Variants in MAPK10 observed in about 807,000 individuals in gnomAD.
The protein encoded by MAPK10 is mitogen-activated protein kinase 10, also known as JNK3 alpha protein kinase.
MAPK10 carries 25 observed loss-of-function variants against 59.3 expected under a neutral mutation model. The observed-to-expected ratio is 0.42, with a 90% CI of 0.31 to 0.59. The LOEUF (loss-of-function observed/expected upper bound fraction) is 0.59, where lower values mean the gene tolerates loss of function less well. MAPK10 is among the 20% of genes least tolerant of loss of function. The pLI is 0.15. For synonymous variants in MAPK10, 190 were observed against 200.5 expected, an observed-to-expected ratio of 0.95 and a Z score of 0.44; for missense variants, 351 against 568.9, an observed-to-expected ratio of 0.62 and a Z score of 3.90.
intron 9 of MAPK10, among the ~76,000 whole-genome samples, chr4:86,070,857 T>C (rs1364112520): frequency 3.3e-5 from 5 of 152,166 alleles, no homozygotes; most frequent in Non-Finnish European, 7.3e-5. Context: ...AAAATACGTG[T>C]GCATGTGTCT....
At chr4:86,515,687 GTTT>G (rs971594849) in intron 1 of MAPK10, among the ~76,000 whole-genome samples, 1 of 151,358 alleles carries the variant, frequency 6.6e-6, no homozygotes, top group African/African-American at 2.4e-5. Context: ...GGGATTATTT[GTTT>G]TTTTTCTTGC....
intron 1 of MAPK10, among the ~76,000 whole-genome samples, chr4:86,412,956 CTGCAA>C (rs1326357808): frequency 6.6e-6 from 1 of 152,164 alleles, no homozygotes; most frequent in Non-Finnish European, 1.5e-5. Context: ...TGGCAAGGAG[CTGCAA>C]TCCTTTGGAG....
intron 3 of MAPK10, among the ~76,000 whole-genome samples, chr4:86,168,760 T>A (rs2149252452): frequency 6.6e-6 from 1 of 152,268 alleles, no homozygotes; most frequent in Non-Finnish European, 1.5e-5. Context: ...GACTGCCTCC[T>A]CAAGTGGGTC....
chr4:86,204,782 T>G (rs147084171), intron 2 of MAPK10, among the ~76,000 whole-genome samples: 2 of 152,158 alleles, frequency 1.3e-5, no homozygotes, highest in African/African-American at 4.8e-5. Flanking sequence ...TTCTTTTTAC[T>G]AAACAGTAGA....
intron 1 of MAPK10, among the ~76,000 whole-genome samples, chr4:86,540,357 G>A (rs940323935): frequency 2.6e-5 from 4 of 151,938 alleles, no homozygotes; most frequent in East Asian, 1.9e-4. Context: ...CAAATTAGCC[G>A]GGTATGGTGT....
Position 86,037,749 on chromosome 4 carries a change from G to A in MAPK10, c.1111-6318C>T, listed in dbSNP as rs561882360. 2.0e-4 allele frequency among the ~76,000 whole-genome samples: 30 copies of A among 152,258 alleles called. No homozygotes were observed. The East Asian group carries it at 5.8e-3, about 29-fold the overall frequency. ...TATTCAATTTTCAAATGAGAATATA[G>A]AAACTGAGAAAGCATAAGTGATTTG... On this transcript the variant is annotated intron_variant, in intron 11 of 13. Transcript: ENST00000641462.
chr4:86,194,209 C>T lies in MAPK10; in HGVS notation c.66+127G>A, dbSNP rs531999937. On this transcript the variant is annotated intron_variant, in intron 3 of 13. Transcript: ENST00000641462. ...TTCTATTCAGCCGTCTTGCCAGCTCCTAATTCTAAACTACTGTTAATATGA... is the reference window on the plus strand; with the variant it reads ...TTCTATTCAGCCGTCTTGCCAGCTCTTAATTCTAAACTACTGTTAATATGA... 3 of 747,268 alleles carry T rather than the reference C, an allele frequency of 4.0e-6. No individual in the cohort carries two copies. In the South Asian group the frequency reaches 5.1e-5, roughly 13 times the overall value. The allele number at this position is 747,268 out of a possible 1,614,324, so 46.3% of individuals were successfully genotyped here.
intron 2 of MAPK10, among the ~76,000 whole-genome samples, chr4:86,218,246 T>C (rs111416744): frequency 6.6e-6 from 1 of 152,032 alleles, no homozygotes; most frequent in African/African-American, 2.4e-5. Flanking sequence ...CGCTGTCACC[T>C]AGGCTGGAGT....
chr4:86,024,988 C>T (rs3775167), intron 13 of MAPK10: 35,081 of 152,166 alleles, frequency 0.23, 4,241 homozygotes, highest in South Asian at 0.26. Flanking sequence ...TTCAGTGCTT[C>T]CTTTGTAAAA....
rs1743272325 is a variant in MAPK10 at position 86,016,266 on chromosome 4, C to G, written c.*962G>C. The G allele has an allele frequency of 6.6e-6, 1 of 152,184 alleles. No individual in the cohort carries two copies. The allele number at this position is 152,184 out of a possible 1,614,324, so 9.4% of individuals were successfully genotyped here. A position where few individuals can be genotyped will look rare whatever the true frequency, so the allele number is the denominator to read the frequency against. On this transcript the variant is annotated 3_prime_UTR_variant, in exon 14 of 14. Coordinates refer to ENST00000641462, the MANE Select transcript of MAPK10 (RefSeq NM_138982.4). ...AGCCAAATCTCTAAAACAGGGACAC[C>G]AGTGTCTCCTAGTATCTGGGTAATA...
chr4:86,205,416 A>T (rs1246393899), intron 2 of MAPK10, among the ~76,000 whole-genome samples: 3 of 152,000 alleles, frequency 2.0e-5, no homozygotes, highest in Non-Finnish European at 4.4e-5. Flanking sequence ...AACACATGTA[A>T]GTATCTCTTG....
At position 86,461,696 on chromosome 4, in the gene MAPK10, G is replaced by A. The variant is rs377641025; in HGVS notation, c.-262-107052C>T. 7.2e-5 allele frequency among the ~76,000 whole-genome samples: 11 copies of A among 152,246 alleles called. No homozygotes were observed. The East Asian group carries it at 9.7e-4, about 13-fold the overall frequency. On this transcript the variant is annotated intron_variant, in intron 1 of 4. Transcript: ENST00000502302. The stretch of plus-strand genomic sequence containing the variant: ...TTTGTTTGCCAGCTAAAGCTAAAGC[G>A]GCAAAGGAGGAAGAGGTTCATCCCT...
At chr4:86,475,529 T>C (rs1235476232) in intron 1 of MAPK10, among the ~76,000 whole-genome samples, 1 of 152,182 alleles carries the variant, frequency 6.6e-6, no homozygotes, top group East Asian at 1.9e-4. Context: ...GTTTTATCCG[T>C]GGACCCAAAA....
intron 1 of MAPK10, among the ~76,000 whole-genome samples, chr4:86,405,827 T>A (rs188657497): frequency 6.6e-6 from 1 of 152,234 alleles, no homozygotes; most frequent in Admixed American, 6.5e-5. Context: ...ATTGAGTGAG[T>A]TAATGCTTTT....
rs191964876 is a variant in MAPK10 at position 86,267,660 on chromosome 4, C to G, written c.-6-73253G>C. 2.6e-4 allele frequency among the ~76,000 whole-genome samples: 40 copies of G among 152,250 alleles called. No homozygotes were observed. The South Asian group carries it at 3.1e-3, about 12-fold the overall frequency. ...GTTCCTCCAATAAGTCAAACACACA[C>G]CCGTTTCATGATTTTTGCACTTGCT... On this transcript the variant is annotated intron_variant, in intron 2 of 13. Transcript: ENST00000641462.
Position 86,101,150 on chromosome 4 carries a change from G to A in MAPK10, c.632C>T (p.Ala211Val). 1 of 1,613,768 alleles carries A rather than the reference G, an allele frequency of 6.2e-7. No homozygotes were observed. The highest frequency in any genetic ancestry group is 8.5e-7 in the Non-Finnish European group (1 of 1,179,836). ...CTLKILDFGL[A>V]RTAGTSFMMT... ...CATGAAGCTTGTGCCTGCTGTCCTG[G>A]CCAGTCCAAAGTCCAGGATTTTCAA... is the stretch of plus-strand genomic sequence containing the variant. The change falls in exon 8 of 14, where the codon GCC becomes GTC. Residue 211 changes from alanine to valine, a missense_variant. Ala to Val is a moderately conservative substitution (Grantham distance 64). Around this residue, in one of 5 missense-constraint regions of MAPK10, gnomAD observed 76 missense variants for 197.9 expected, o/e 0.38. Transcript: ENST00000641462.
intron 2 of MAPK10, among the ~76,000 whole-genome samples, chr4:86,293,981 G>A (rs1370290953): frequency 1.3e-5 from 2 of 152,114 alleles, no homozygotes; most frequent in Admixed American, 6.5e-5. Context: ...ACTTTTCTCT[G>A]ACCACAGGGA....
chr4:86,213,495 G>C (rs1229576653), intron 2 of MAPK10, among the ~76,000 whole-genome samples: 1 of 151,950 alleles, frequency 6.6e-6, no homozygotes, highest in Non-Finnish European at 1.5e-5. Context: ...TCAAATTCCT[G>C]AAATCAGAAA....
intron 1 of MAPK10, among the ~76,000 whole-genome samples, chr4:86,377,845 G>T (rs1215656509): frequency 6.6e-6 from 1 of 152,080 alleles, no homozygotes. Context: ...ATGTTCGAGG[G>T]CAGGAAGCAT....
Sources: gnomAD v4.1 joint callset for allele counts (sites outside exome capture counted in the v4.1 genomes callset) on GRCh38, gnomAD v4.1.1 for gene constraint, gnomAD v4.1.1 regional missense constraint, MANE v1.5 for transcripts, NCBI Gene and HGNC (gene_info 2026-07-23, HGNC 2026-07-21) for gene names.